The following MBD5 variants were observed in gnomAD, a reference collection of about 807,000 sequenced individuals.
MBD5 encodes the protein methyl-CpG-binding domain protein 5.
MBD5 carries 13 observed loss-of-function variants against 117.3 expected under a neutral mutation model. That is an observed-to-expected ratio of 0.11 (90% CI 0.07 to 0.18). The LOEUF (loss-of-function observed/expected upper bound fraction) is 0.18, where lower values mean the gene tolerates loss of function less well. Among genes scored for constraint, MBD5 ranks in the 10% least tolerant of loss-of-function variants. The pLI is 1.00. For synonymous variants in MBD5, 727 were observed against 766.4 expected, an observed-to-expected ratio of 0.95 and a Z score of 0.85; for missense variants, 1,879 against 2,093.8, an observed-to-expected ratio of 0.90 and a Z score of 2.00.
intron 4 of MBD5, among the ~76,000 whole-genome samples, chr2:148,421,536 T>G (rs948668160): frequency 3.3e-5 from 5 of 152,070 alleles, no homozygotes; most frequent in African/African-American, 9.7e-5. Flanking sequence ...AGAAGTTTTT[T>G]TTTTTTTCAT....
chr2:148,040,023 A>G (rs896936011), intron 1 of MBD5, among the ~76,000 whole-genome samples: 1 of 152,078 alleles, frequency 6.6e-6, no homozygotes, highest in Non-Finnish European at 1.5e-5. Context: ...CTCTACAAAA[A>G]ATTTAAAAAT....
intron 1 of MBD5, among the ~76,000 whole-genome samples, chr2:148,168,633 A>G (rs537270791): frequency 7.2e-4 from 109 of 152,258 alleles, no homozygotes; most frequent in African/African-American, 2.3e-3. Context: ...AGTCCAAGCT[A>G]CTTGGGAGGC....
At chr2:148,128,010 G>A (rs546767690) in intron 1 of MBD5, among the ~76,000 whole-genome samples, 29 of 152,164 alleles carry the variant, frequency 1.9e-4, no homozygotes, top group Non-Finnish European at 3.8e-4. Flanking sequence ...TTTCATACGT[G>A]TGTTAGCTGC....
intron 3 of MBD5, among the ~76,000 whole-genome samples, chr2:148,244,534 C>T (rs2106210033): frequency 6.6e-6 from 1 of 152,136 alleles, no homozygotes; most frequent in South Asian, 2.1e-4. Context: ...CATTATTTTA[C>T]TTTGTACTTG....
chr2:148,457,343 T>C (rs1706916360), intron 4 of MBD5, among the ~76,000 whole-genome samples: 1 of 152,144 alleles, frequency 6.6e-6, no homozygotes, highest in Non-Finnish European at 1.5e-5. Flanking sequence ...ACAATGTAAC[T>C]ATATACAGTA....
chr2:148,198,865 T>C (rs1487919469), intron 2 of MBD5, among the ~76,000 whole-genome samples: 1 of 151,924 alleles, frequency 6.6e-6, no homozygotes, highest in Non-Finnish European at 1.5e-5. Flanking sequence ...TCTAATCTGG[T>C]CTAAGAGGAG....
intron 4 of MBD5, among the ~76,000 whole-genome samples, chr2:148,350,056 G>C (rs962796990): frequency 6.6e-6 from 1 of 151,940 alleles, no homozygotes; most frequent in African/African-American, 2.4e-5. Flanking sequence ...ACACAGGTTT[G>C]ATTCTTCCTG....
intron 4 of MBD5, among the ~76,000 whole-genome samples, chr2:148,457,363 G>T (rs1574445155): frequency 6.6e-6 from 1 of 151,896 alleles, no homozygotes; most frequent in Non-Finnish European, 1.5e-5. Flanking sequence ...ATATTAAATT[G>T]GTCATAAAAA....
chr2:148,484,157 AT>A (rs1352435200), intron 9 of MBD5, 22 bp downstream of exon 9: 1 of 1,416,974 alleles, frequency 7.1e-7, no homozygotes, highest in Non-Finnish European at 9.2e-7. Context: ...TTTTTCACAA[AT>A]TTTTTACAAA....
chr2:148,036,789 A>C (rs1435202513), intron 1 of MBD5, among the ~76,000 whole-genome samples: 1 of 152,068 alleles, frequency 6.6e-6, no homozygotes, highest in African/African-American at 2.4e-5. Flanking sequence ...TTTGAACAGC[A>C]CTAGATTTAT....
chr2:148,445,714 C>T (rs1391340169), intron 4 of MBD5, among the ~76,000 whole-genome samples: 121 of 151,348 alleles, frequency 8.0e-4, no homozygotes, highest in East Asian at 5.8e-4. Context: ...ATCGCCACAC[C>T]GACTTCCACA....
chr2:148,241,061 G>C (rs1700206511), intron 3 of MBD5, among the ~76,000 whole-genome samples: 1 of 150,714 alleles, frequency 6.6e-6, no homozygotes. Flanking sequence ...CTGTTCTATT[G>C]GCTGCTCTTT....
In MBD5 at chr2:148,483,643, CA is replaced by C; in HGVS notation, c.3053del (p.Gln1018ArgfsTer9). The C allele has an allele frequency of 3.9e-6, 6 of 1,551,188 alleles. No homozygotes were observed. Among genetic ancestry groups the C allele is most frequent in the Non-Finnish European group, 5.2e-6 (6 of 1,147,142 alleles). Reference sequence around the variant, plus strand: ...TCTGACCATCTCAGATCTTTTGCAACAGCAAAATACCCCTTTACCCTCATTA... The same window carrying C: ...TCTGACCATCTCAGATCTTTTGCAACGCAAAATACCCCTTTACCCTCATTA... ...FNLTISDLLQ[Q>X]QNTPLPSLTQ... On this transcript the variant is annotated frameshift_variant, in exon 9 of 14. Coordinates refer to ENST00000642680, the MANE Select transcript of MBD5 (RefSeq NM_001378120.1). LOFTEE classifies it high-confidence loss of function.
intron 2 of MBD5, among the ~76,000 whole-genome samples, chr2:148,214,436 C>G (rs938453965): frequency 2.0e-5 from 3 of 152,142 alleles, no homozygotes; most frequent in African/African-American, 7.2e-5. Context: ...AATATAAAAA[C>G]AGGTAGCAGA....
At chr2:148,312,173 T>C (rs13387739) in intron 3 of MBD5, among the ~76,000 whole-genome samples, 1 of 152,208 alleles carries the variant, frequency 6.6e-6, no homozygotes, top group African/African-American at 2.4e-5. Flanking sequence ...TTCTCTGTAA[T>C]TCCTGAGTTT....
At chr2:148,415,661 C>CTTTTTAATTA (rs1277203577) in intron 4 of MBD5, among the ~76,000 whole-genome samples, 1 of 152,080 alleles carries the variant, frequency 6.6e-6, no homozygotes, top group Non-Finnish European at 1.5e-5. Flanking sequence ...TTTGTTCATT[C>CTTTTTAATTA]TTTTTTATTA....
In MBD5 at chr2:148,513,068, A is replaced by T; in HGVS notation, c.*127A>T. 1 of 975,046 alleles carries T rather than the reference A, an allele frequency of 1.0e-6. No homozygotes were observed. The highest frequency in any genetic ancestry group is 1.6e-6 in the Non-Finnish European group (1 of 628,586). The allele number at this position is 975,046 out of a possible 1,614,324, so 60.4% of individuals were successfully genotyped here. A position where few individuals can be genotyped will look rare whatever the true frequency, so the allele number is the denominator to read the frequency against. On this transcript the variant is annotated 3_prime_UTR_variant, in exon 14 of 14. Transcript: ENST00000642680. ...TATGGCAGATAGCTACCACCACCAC[A>T]GGGTGCTAAAAGAAACAGTGATACA...
intron 4 of MBD5, among the ~76,000 whole-genome samples, chr2:148,417,697 C>T (rs1384683191): frequency 6.6e-6 from 1 of 152,014 alleles, no homozygotes; most frequent in African/African-American, 2.4e-5. Flanking sequence ...ATTTGCATTT[C>T]CCTGATTATT....
intron 3 of MBD5, among the ~76,000 whole-genome samples, chr2:148,325,085 G>A (rs1432376090): frequency 6.6e-6 from 1 of 152,140 alleles, no homozygotes; most frequent in African/African-American, 2.4e-5. Flanking sequence ...TGCATCTATT[G>A]AGATAATCAT....
Sources: gnomAD v4.1 joint callset for allele counts (sites outside exome capture counted in the v4.1 genomes callset) on GRCh38, gnomAD v4.1.1 for gene constraint, MANE v1.5 for transcripts, NCBI Gene and HGNC (gene_info 2026-07-23, HGNC 2026-07-21) for gene names.